CSMD1: variants seen among roughly 807,000 people sequenced by gnomAD.
CSMD1 encodes the protein CUB and Sushi multiple domains 1.
Under a neutral mutation model 417.5 loss-of-function variants are expected in CSMD1, and 213 were observed. The ratio of observed to expected loss-of-function variants is 0.51; its 90% CI spans 0.46 to 0.57. CSMD1 has a LOEUF of 0.57. CSMD1 is among the 20% of genes least tolerant of loss of function. The pLI is 0.00. For synonymous variants in CSMD1, 2,862 were observed against 1,736.8 expected, an observed-to-expected ratio of 1.65 and a Z score of -16.11; for missense variants, 6,923 against 4,529.7, an observed-to-expected ratio of 1.53 and a Z score of -15.17.
chr8:3,603,719 TA>T (rs952069071), intron 8 of CSMD1, among the ~76,000 whole-genome samples: 3 of 152,374 alleles, frequency 2.0e-5, no homozygotes, highest in Middle Eastern at 3.4e-3. Context: ...CAAATTTTCT[TA>T]AAAAACCCCC....
In CSMD1 at chr8:4,767,953, C is replaced by T. The variant is rs774078471; in HGVS notation, c.86-130395G>A. Among the ~76,000 whole-genome samples, 7 of 152,170 alleles carry T rather than the reference C, an allele frequency of 4.6e-5. No individual in the cohort carries two copies. In the South Asian group the frequency reaches 8.3e-4, roughly 18 times the overall value. On this transcript the variant is annotated intron_variant, in intron 1 of 69. Coordinates refer to ENST00000635120, the MANE Select transcript of CSMD1 (RefSeq NM_033225.6). ...AAGTAAATTTTGCATCCTTCGTACT[C>T]GAGGGCGTGGGTCAATCTAGCACAG...
chr8:3,057,563 G>GT (rs11464914), intron 49 of CSMD1, among the ~76,000 whole-genome samples: 92,923 of 149,590 alleles, frequency 0.62, 29,409 homozygotes, highest in Non-Finnish European at 0.7. Flanking sequence ...TGATTTTATA[G>GT]TTATAGTGTT....
rs1191907309 is a variant in CSMD1 at position 4,134,028 on chromosome 8, T to TA, written c.416-101930dup. Among the ~76,000 whole-genome samples the TA allele has an allele frequency of 3.9e-5, 6 of 152,370 alleles. No individual in the cohort carries two copies. The East Asian group carries it at 1.2e-3, about 29-fold the overall frequency. Reference sequence around the variant, plus strand: ...AATAATACTTCAGTATACATTTTTTTAAACATTTAAATGAGATTAGCTATT... The same window carrying TA: ...AATAATACTTCAGTATACATTTTTTTAAAACATTTAAATGAGATTAGCTATT... On this transcript the variant is annotated intron_variant, in intron 3 of 69. Transcript: ENST00000635120.
intron 5 of CSMD1, among the ~76,000 whole-genome samples, chr8:3,837,229 T>G (rs1802770428): frequency 6.6e-6 from 1 of 152,182 alleles, no homozygotes; most frequent in South Asian, 2.1e-4. Flanking sequence ...AGAATAGATG[T>G]GCATAGCTAA....
chr8:4,593,632 C>A (rs1388726957), intron 2 of CSMD1, among the ~76,000 whole-genome samples: 1 of 151,904 alleles, frequency 6.6e-6, no homozygotes, highest in African/African-American at 2.4e-5. Context: ...TTTTGTGATC[C>A]GGAGTCTTAA....
At chr8:4,761,349 A>C (rs1453722076) in intron 1 of CSMD1, among the ~76,000 whole-genome samples, 1 of 150,122 alleles carries the variant, frequency 6.7e-6, no homozygotes, top group African/African-American at 2.5e-5. Flanking sequence ...TACATTAATT[A>C]CATCTTGAAA....
intron 4 of CSMD1, among the ~76,000 whole-genome samples, chr8:4,030,869 A>AC (rs1159023633): frequency 6.6e-6 from 1 of 152,100 alleles, no homozygotes; most frequent in Admixed American, 6.5e-5. Context: ...TCCTCCAGAT[A>AC]CCCCAAATCA....
intron 1 of CSMD1, among the ~76,000 whole-genome samples, chr8:4,838,052 G>C (rs1340132175): frequency 5.9e-5 from 9 of 152,154 alleles, no homozygotes; most frequent in African/African-American, 2.2e-4. Context: ...AGTGTGAATG[G>C]GTGACCAGGA....
chr8:3,100,482 G>T (rs185468577), intron 46 of CSMD1, among the ~76,000 whole-genome samples: 3 of 152,232 alleles, frequency 2.0e-5, no homozygotes, highest in African/African-American at 7.2e-5. Context: ...AGGGACCGCA[G>T]TGCGGTCCTA....
At position 4,994,710 on chromosome 8, in the gene CSMD1, C is replaced by T. The variant is rs1003900751; in HGVS notation, c.-294G>A. 9.9e-5 allele frequency: 34 copies of T among 343,950 alleles called. No homozygotes were observed. Among genetic ancestry groups the T allele is most frequent in the African/African-American group, 6.7e-4 (31 of 45,936 alleles). The allele number at this position is 343,950 out of a possible 1,614,324, so 21.3% of individuals were successfully genotyped here. A position where few individuals can be genotyped will look rare whatever the true frequency, so the allele number is the denominator to read the frequency against. ...CGAGCCGGGCAGGAAGGCACCAAGG[C>T]GGCGAGGCTGCGGGAGGGGGAGAAG... On this transcript the variant is annotated 5_prime_UTR_variant, in exon 1 of 70. Transcript: ENST00000635120.
chr8:2,985,163 T>A (rs1048430407), intron 54 of CSMD1, among the ~76,000 whole-genome samples: 2 of 152,182 alleles, frequency 1.3e-5, no homozygotes, highest in African/African-American at 4.8e-5. Flanking sequence ...GTACAGAATA[T>A]AGAAACCTTA....
Position 3,310,139 on chromosome 8 carries a change from C to A in CSMD1, c.3632-1636G>T, listed in dbSNP as rs1197726579. Among the ~76,000 whole-genome samples, 3 of 152,218 alleles carry A rather than the reference C, an allele frequency of 2.0e-5. 1 individual carries two copies. The highest frequency in any genetic ancestry group is 7.2e-5 in the African/African-American group (3 of 41,470). ...AATTAGGGGGATGGTTTCAATCAAT[C>A]ACCTCCGGTTTCAGGGTCATTCAAA... On this transcript the variant is annotated intron_variant, in intron 23 of 69. Transcript: ENST00000635120.
chr8:4,025,278 G>C (rs1000898299), intron 4 of CSMD1, among the ~76,000 whole-genome samples: 1 of 152,136 alleles, frequency 6.6e-6, no homozygotes, highest in African/African-American at 2.4e-5. Flanking sequence ...CTTCTTGTAT[G>C]CCCCTATCCA....
chr8:3,989,780 G>C (rs1379455925), intron 5 of CSMD1, among the ~76,000 whole-genome samples: 1 of 152,186 alleles, frequency 6.6e-6, no homozygotes, highest in Non-Finnish European at 1.5e-5. Context: ...TCATTTAAAG[G>C]ATGTATTAAG....
intron 3 of CSMD1, among the ~76,000 whole-genome samples, chr8:4,189,518 T>A (rs1001863416): frequency 6.6e-6 from 1 of 152,172 alleles, no homozygotes. Context: ...AAACATATAT[T>A]AAAGATCAAT....
In CSMD1 at chr8:3,578,728, C is replaced by T. The variant is rs185309367; in HGVS notation, c.1223-3662G>A. ...TCACACAGGAGACAGCCGAGGGAAA[C>T]TGTTCTGACTGGGACTGGACAATTT... On this transcript the variant is annotated intron_variant, in intron 9 of 69. Coordinates refer to ENST00000635120, the MANE Select transcript of CSMD1 (RefSeq NM_033225.6). Among the ~76,000 whole-genome samples, 381 of 152,258 alleles carry T rather than the reference C, an allele frequency of 2.5e-3. 12 individuals carry two copies. Among genetic ancestry groups the T allele is most frequent in the Non-Finnish European group, 3.7e-4 (25 of 68,020 alleles).
intron 12 of CSMD1, among the ~76,000 whole-genome samples, chr8:3,423,350 C>T (rs574057454): frequency 6.6e-6 from 1 of 152,168 alleles, no homozygotes; most frequent in South Asian, 2.1e-4. Flanking sequence ...CTTTCCCTTG[C>T]TCCTGGCAAC....
intron 2 of CSMD1, among the ~76,000 whole-genome samples, chr8:4,449,218 C>G (rs1236972532): frequency 6.6e-6 from 1 of 152,190 alleles, no homozygotes; most frequent in Non-Finnish European, 1.5e-5. Context: ...TCTATTTTCT[C>G]AGAATAATTA....
At position 3,144,803 on chromosome 8, in the gene CSMD1, G is replaced by GGGGA. The variant is rs58903293; in HGVS notation, c.6032-2130_6032-2129insTCCC. ...AGAGAAAGAGGCAACAAGGGGGGGG[G>GGGGA]GGAGGGAGGGAGGGAGAAGGGGTAA... On this transcript the variant is annotated intron_variant, in intron 40 of 69. Coordinates refer to ENST00000635120, the MANE Select transcript of CSMD1 (RefSeq NM_033225.6). Among the ~76,000 whole-genome samples, 807 of 131,450 alleles carry GGGGA rather than the reference G, an allele frequency of 6.1e-3. 22 individuals are homozygous for GGGGA. The highest frequency in any genetic ancestry group is 0.023 in the African/African-American group (756 of 33,106). 86.2% of individuals were successfully genotyped at this position (131,450 alleles called of 152,430 possible).
Sources: gnomAD v4.1 joint callset for allele counts (sites outside exome capture counted in the v4.1 genomes callset) on GRCh38, gnomAD v4.1.1 for gene constraint, MANE v1.5 for transcripts, NCBI Gene and HGNC (gene_info 2026-07-23, HGNC 2026-07-21) for gene names.